Variants in CPNE4 observed in about 807,000 individuals in gnomAD.
CPNE4 encodes copine-4.
A neutral mutation model predicts 67.9 loss-of-function variants in CPNE4; 25 were observed. The ratio of observed to expected loss-of-function variants is 0.37; its 90% CI spans 0.27 to 0.51. The LOEUF (loss-of-function observed/expected upper bound fraction) is 0.51, where lower values mean the gene tolerates loss of function less well. CPNE4 is among the 20% of genes least tolerant of loss of function. The pLI is 0.93. For missense variants in CPNE4, 464 were observed against 690.8 expected (o/e 0.67, Z 3.68); for synonymous variants, 242 against 244.9 (o/e 0.99, Z 0.11).
intron 1 of CPNE4, among the ~76,000 whole-genome samples, chr3:131,947,556 G>A (rs1436662197): frequency 1.3e-5 from 2 of 152,104 alleles, no homozygotes; most frequent in African/African-American, 4.8e-5. Context: ...TCCCTGCAAA[G>A]GACATGAACT....
At chr3:131,801,432 G>A (rs28537967) in intron 2 of CPNE4, among the ~76,000 whole-genome samples, 1,329 of 47,510 alleles carry the variant, frequency 0.028, 54 homozygotes, top group African/African-American at 0.071. Flanking sequence ...GTGTGTGTGT[G>A]TGTGTGTGTG....
chr3:132,007,958 T>C (rs932644767), intron 1 of CPNE4, among the ~76,000 whole-genome samples: 12 of 152,250 alleles, frequency 7.9e-5, no homozygotes, highest in African/African-American at 2.9e-4. Context: ...GCACATTTCT[T>C]TGTTGGAGGC....
rs189624045 is a variant in CPNE4, at chr3:131,727,895, T to C, written c.181-4270A>G. Among the ~76,000 whole-genome samples the C allele has an allele frequency of 5.9e-5, 9 of 152,330 alleles. No homozygotes were observed. The East Asian group carries it at 1.7e-3, about 29-fold the overall frequency. On this transcript the variant is annotated intron_variant, in intron 2 of 15. Coordinates refer to ENST00000429747, the MANE Select transcript of CPNE4 (RefSeq NM_130808.3). ...GTCTTTAATCTTTCACGCAATTATT[T>C]TGAGATTTATTCATGTGGTCCTATC...
chr3:131,710,514 T>C (rs570474790), intron 3 of CPNE4, among the ~76,000 whole-genome samples: 1 of 152,268 alleles, frequency 6.6e-6, no homozygotes, highest in East Asian at 1.9e-4. Context: ...TACACAGGCT[T>C]GTAGAAATTG....
chr3:131,952,677 C>T (rs908156890), intron 1 of CPNE4, among the ~76,000 whole-genome samples: 5 of 150,880 alleles, frequency 3.3e-5, no homozygotes, highest in East Asian at 2.0e-4. Context: ...GGCGCCTCTG[C>T]CCGGCCGCCC....
At chr3:132,025,516 T>C (rs138811183) in intron 1 of CPNE4, among the ~76,000 whole-genome samples, 47 of 152,300 alleles carry the variant, frequency 3.1e-4, no homozygotes, top group African/African-American at 1.0e-3. Context: ...TCAGTAGCTA[T>C]GAAAAGCATA....
intron 2 of CPNE4, among the ~76,000 whole-genome samples, chr3:131,865,331 G>T (rs1404010203): frequency 6.6e-6 from 1 of 152,040 alleles, no homozygotes; most frequent in Admixed American, 6.6e-5. Flanking sequence ...GAATCCATCT[G>T]GTCCTAGAAT....
chr3:131,635,614 A>G (rs1053286003), intron 7 of CPNE4, among the ~76,000 whole-genome samples: 1 of 152,256 alleles, frequency 6.6e-6, no homozygotes, highest in African/African-American at 2.4e-5. Context: ...CTGTGCCAAT[A>G]TTAAACATTC....
At chr3:131,568,323 GA>G (rs1210876517) in intron 10 of CPNE4, among the ~76,000 whole-genome samples, 1 of 152,014 alleles carries the variant, frequency 6.6e-6, no homozygotes, top group Non-Finnish European at 1.5e-5. Context: ...AGCATTAGTA[GA>G]AAGAGAGCAG....
intron 1 of CPNE4, among the ~76,000 whole-genome samples, chr3:132,031,505 T>C (rs114678512): frequency 1.6e-4 from 25 of 152,290 alleles, no homozygotes; most frequent in African/African-American, 5.1e-4. Flanking sequence ...TTTACCCAAT[T>C]AGCCAAGTTG....
intron 3 of CPNE4, among the ~76,000 whole-genome samples, chr3:131,712,706 G>C (rs2081589463): frequency 1.3e-5 from 2 of 152,228 alleles, no homozygotes; most frequent in African/African-American, 4.8e-5. Flanking sequence ...TCAGTTTATA[G>C]TGTTGGAGTG....
At chr3:131,619,276 C>G (rs1162921639) in intron 7 of CPNE4, among the ~76,000 whole-genome samples, 1 of 152,142 alleles carries the variant, frequency 6.6e-6, no homozygotes, top group Non-Finnish European at 1.5e-5. Flanking sequence ...AGGGAGAGCT[C>G]TGAAAGCCTG....
intron 15 of CPNE4, among the ~76,000 whole-genome samples, chr3:131,541,071 G>A (rs1935453588): frequency 6.6e-6 from 1 of 152,180 alleles, no homozygotes; most frequent in Non-Finnish European, 1.5e-5. Flanking sequence ...AGAGGGCAAG[G>A]CCTCAGTGGA....
intron 2 of CPNE4, among the ~76,000 whole-genome samples, chr3:131,818,322 G>A (rs1172529440): frequency 2.0e-5 from 3 of 152,136 alleles, no homozygotes; most frequent in African/African-American, 7.2e-5. Flanking sequence ...GCTACAAAAT[G>A]CAGCAGAGAC....
chr3:131,655,923 G>A (rs1313313851), intron 7 of CPNE4, among the ~76,000 whole-genome samples: 3 of 152,088 alleles, frequency 2.0e-5, no homozygotes, highest in Non-Finnish European at 2.9e-5. Context: ...ATACGCCAGT[G>A]AAATAAAAAG....
In CPNE4 at chr3:131,567,015, T is replaced by G. The variant is rs149371904; in HGVS notation, c.928-2666A>C. Among the ~76,000 whole-genome samples, 11 of 152,096 alleles carry G rather than the reference T, an allele frequency of 7.2e-5. No individual in the cohort carries two copies. In the East Asian group the frequency reaches 1.9e-3, roughly 27 times the overall value. ...TGGCCCACCTCACTTCTATTCATGA[T>G]GCCTTCCATCATGGGTCACCACCTC... On this transcript the variant is annotated intron_variant, in intron 10 of 15. Coordinates refer to ENST00000429747, the MANE Select transcript of CPNE4 (RefSeq NM_130808.3).
intron 2 of CPNE4, among the ~76,000 whole-genome samples, chr3:131,764,610 G>A (rs2082964852): frequency 6.6e-6 from 1 of 151,968 alleles, no homozygotes; most frequent in Admixed American, 6.6e-5. Flanking sequence ...CTCCTCTATA[G>A]AAAGTAATGT....
chr3:131,873,729 C>G (rs1246797862), intron 2 of CPNE4, among the ~76,000 whole-genome samples: 2 of 152,144 alleles, frequency 1.3e-5, no homozygotes, highest in African/African-American at 4.8e-5. Context: ...GATGACTGAC[C>G]CATAAATGGA....
chr3:131,847,341 CTTTAT>C (rs2086041617), intron 2 of CPNE4, among the ~76,000 whole-genome samples: 1 of 152,216 alleles, frequency 6.6e-6, no homozygotes, highest in African/African-American at 2.4e-5. Flanking sequence ...AGGGAATTCC[CTTTAT>C]TTTAATATCT....
Sources: allele counts gnomAD v4.1 joint callset (sites outside exome capture counted in the v4.1 genomes callset), GRCh38; gene constraint gnomAD v4.1.1; transcripts MANE v1.5; gene names NCBI Gene and HGNC (gene_info 2026-07-23, HGNC 2026-07-21).